The following NEUROD1 variants were observed in gnomAD, a reference collection of about 807,000 sequenced individuals.
NEUROD1 encodes neuronal differentiation 1.
NEUROD1 carries 9 observed loss-of-function variants against 21.8 expected under a neutral mutation model. The observed-to-expected ratio is 0.41, with a 90% CI of 0.25 to 0.72. NEUROD1 has a LOEUF of 0.72. Ranked by LOEUF, NEUROD1 falls within the 30% of genes least tolerant of loss-of-function variation. The probability of loss-of-function intolerance (pLI) is 0.31; values close to 1 mark genes in which losing one functional copy is unlikely to be tolerated. For synonymous variants in NEUROD1, 199 were observed against 186.2 expected (o/e 1.07, Z -0.56); for missense variants, 434 against 468.8 (o/e 0.93, Z 0.69).
downstream of NEUROD1, among the ~76,000 whole-genome samples, chr2:181,670,058 G>A (rs182326791): frequency 3.3e-5 from 5 of 152,270 alleles, no homozygotes; most frequent in Non-Finnish European, 7.4e-5. Flanking sequence ...ATATGAACTT[G>A]TGTGTTAAAT....
downstream of NEUROD1, among the ~76,000 whole-genome samples, chr2:181,676,038 G>A (rs1312841984): frequency 6.6e-6 from 1 of 152,056 alleles, no homozygotes; most frequent in Non-Finnish European, 1.5e-5. Context: ...AAATAGTAAT[G>A]TTTTATACAT....
At chr2:181,676,157 C>A (rs1182614871), downstream of NEUROD1, among the ~76,000 whole-genome samples, 2 of 152,046 alleles carry the variant, frequency 1.3e-5, no homozygotes, top group African/African-American at 4.8e-5. Flanking sequence ...ATGTAACAAT[C>A]ATTTTTAAAA....
chr2:181,668,566 A>G (rs944942484), downstream of NEUROD1, among the ~76,000 whole-genome samples: 1 of 152,132 alleles, frequency 6.6e-6, no homozygotes, highest in African/African-American at 2.4e-5. Context: ...TATTTTTTCT[A>G]TCTTCCAACT....
rs1688643951 is a variant in NEUROD1 at position 181,678,814 on chromosome 2, G to C, written c.47C>G (p.Pro16Arg). 2 of 1,614,058 alleles carry C rather than the reference G, an allele frequency of 1.2e-6. No homozygotes were observed. Among genetic ancestry groups the C allele is most frequent in the African/African-American group, 1.3e-5 (1 of 75,008 alleles). Residue 16 changes from proline to arginine, a missense_variant, in exon 2 of 2, where the codon CCC becomes CGC. Transcript: ENST00000295108. This position sits in a 1 kb window ranked among gnomAD's most constrained non-coding sequence, Gnocchi z 5.5. ...SESGLMGEPQ[P>R]QGPPSWTDEC... ...GTCTGTCCAGCTTGGAGGACCTTGG[G>C]GCTGAGGCTCGCCCATCAGCCCACT...
Position 181,677,053 on chromosome 2 carries a change from GT to G in NEUROD1, c.*736del. The G allele has an allele frequency of 7.2e-6, 1 of 138,314 alleles. No homozygotes were observed. Among genetic ancestry groups the G allele is most frequent in the Non-Finnish European group, 1.6e-5 (1 of 64,468 alleles). The allele number at this position is 138,314 out of a possible 1,614,324, so 8.6% of individuals were successfully genotyped here. Reference sequence around the variant, plus strand: ...TCTTCTCTTGAAAATTATGATTCTGGTTTTTATTTTAGGGAGACGGAAAGAC... The same window carrying G: ...TCTTCTCTTGAAAATTATGATTCTGGTTTTATTTTAGGGAGACGGAAAGAC... On this transcript the variant is annotated 3_prime_UTR_variant, in exon 2 of 2. Coordinates refer to ENST00000295108, the MANE Select transcript of NEUROD1 (RefSeq NM_002500.5).
chr2:181,669,354 C>CT (rs1221018333), downstream of NEUROD1, among the ~76,000 whole-genome samples: 1 of 152,152 alleles, frequency 6.6e-6, no homozygotes, highest in Non-Finnish European at 1.5e-5. Context: ...TTTCTTCACT[C>CT]TGCTTTCTAC....
At position 181,678,517 on chromosome 2, in the gene NEUROD1, T is replaced by C; in HGVS notation, c.344A>G (p.His115Arg). 6.2e-7 allele frequency: 1 copy of C among 1,614,266 alleles called. No individual in the cohort carries two copies. Among genetic ancestry groups the C allele is most frequent in the South Asian group, 1.1e-5 (1 of 91,092 alleles). The change falls in exon 2 of 2, where the codon CAC (histidine) becomes CGC (arginine). Residue 115 changes from histidine to arginine, a missense_variant. Physicochemically the swap from His to Arg is conservative, Grantham distance 29 (BLOSUM62 0). Transcript: ENST00000295108. The surrounding 1 kb of genome is among the most constrained non-coding windows in gnomAD (Gnocchi z 5.5). ...GTTGTCTAGCGCCGCGTTCAGTCCG[T>C]GCATGCGGTTCCGCTCCCGGGCGTT... is the stretch of plus-strand genomic sequence containing the variant. ...KANARERNRMHGLNAALDNLR... is the reference protein window; with the variant it reads ...KANARERNRMRGLNAALDNLR...
chr2:181,672,305 G>T (rs577415409), downstream of NEUROD1, among the ~76,000 whole-genome samples: 3 of 152,118 alleles, frequency 2.0e-5, no homozygotes, highest in Non-Finnish European at 2.9e-5. Flanking sequence ...AACACTTGCT[G>T]GACTGAAAAT....
In NEUROD1 at chr2:181,678,428, A is replaced by G; in HGVS notation, c.433T>C (p.Leu145=). 6.2e-7 allele frequency: 1 copy of G among 1,614,234 alleles called. No homozygotes were observed. Among genetic ancestry groups the G allele is most frequent in the Non-Finnish European group, 8.5e-7 (1 of 1,180,040 alleles). The change falls in exon 2 of 2, where the codon TTG becomes CTG. Residue 145 remains leucine, a synonymous_variant. Coordinates refer to ENST00000295108, the MANE Select transcript of NEUROD1 (RefSeq NM_002500.5). This position sits in a 1 kb window ranked among gnomAD's most constrained non-coding sequence, Gnocchi z 5.5. The part of the protein sequence containing the change: ...QKLSKIETLR[L]AKNYIWALSE... The stretch of plus-strand genomic sequence containing the variant: ...AGAGCCCAGATGTAGTTCTTGGCCA[A>G]GCGCAGAGTCTCGATTTTGGACAGC...
At chr2:181,676,227 G>C (rs1346460548), downstream of NEUROD1, among the ~76,000 whole-genome samples, 1 of 152,148 alleles carries the variant, frequency 6.6e-6, no homozygotes, top group Non-Finnish European at 1.5e-5. Context: ...CACACTGTTT[G>C]TACTGCCGTC....
chr2:181,668,970 A>T (rs191390959), downstream of NEUROD1, among the ~76,000 whole-genome samples: 940 of 152,250 alleles, frequency 6.2e-3, 7 homozygotes, highest in African/African-American at 0.022. Context: ...TGGTAAGAAT[A>T]AACTTCTGCT....
chr2:181,670,522 A>G (rs896778927), exon 2 of NEUROD1, among the ~76,000 whole-genome samples: 8 of 152,196 alleles, frequency 5.3e-5, no homozygotes, highest in Non-Finnish European at 8.8e-5. Context: ...ATTTTAGTAT[A>G]CCTATCAGTT....
At chr2:181,675,822 A>T (rs182613796), downstream of NEUROD1, among the ~76,000 whole-genome samples, 1 of 152,296 alleles carries the variant, frequency 6.6e-6, no homozygotes, top group Non-Finnish European at 1.5e-5. Flanking sequence ...ATAATCCATT[A>T]TGCTTTTTCT....
At chr2:181,675,466 AG>A (rs1302649279), downstream of NEUROD1, among the ~76,000 whole-genome samples, 1 of 152,152 alleles carries the variant, frequency 6.6e-6, no homozygotes, top group Non-Finnish European at 1.5e-5. Context: ...AGGAGATTAA[AG>A]GAACAAGCTT....
chr2:181,674,593 A>T (rs1054822114), downstream of NEUROD1, among the ~76,000 whole-genome samples: 1 of 152,200 alleles, frequency 6.6e-6, no homozygotes, highest in Non-Finnish European at 1.5e-5. Flanking sequence ...GTTCTGTGGT[A>T]TTTCTCTGAT....
chr2:181,673,023 G>T (rs972774845), downstream of NEUROD1: 6 of 152,166 alleles, frequency 3.9e-5, no homozygotes, highest in African/African-American at 1.4e-4. Context: ...CTGTAGAGAT[G>T]GTTATTGTCA....
At position 181,678,047 on chromosome 2, in the gene NEUROD1, G is replaced by T. The variant is rs1365446719; in HGVS notation, c.814C>A (p.Pro272Thr). The T allele has an allele frequency of 2.5e-6, 4 of 1,614,210 alleles. No individual in the cohort carries two copies. Among genetic ancestry groups the T allele is most frequent in the South Asian group, 2.2e-5 (2 of 91,086 alleles). Reference protein sequence around the residue: ...TDCTSPSFDGPLSPPLSINGN... With the variant: ...TDCTSPSFDGTLSPPLSINGN... ...TTGATGCTGAGCGGCGGGCTGAGGG[G>T]TCCATCAAAGGAAGGGCTGGTGCAA... is the stretch of plus-strand genomic sequence containing the variant. The change falls in exon 2 of 2, where the codon CCC becomes ACC. Residue 272 changes from proline to threonine, a missense_variant. By Grantham distance (38) the Pro-to-Thr change is conservative. Coordinates refer to ENST00000295108, the MANE Select transcript of NEUROD1 (RefSeq NM_002500.5). The surrounding 1 kb of genome is among the most constrained non-coding windows in gnomAD (Gnocchi z 5.5).
In NEUROD1 at chr2:181,677,962, G is replaced by A. The variant is rs1473605501; in HGVS notation, c.899C>T (p.Thr300Ile). Reference sequence around the variant, plus strand: ...CAGTGTCGCTGCAGGATAGTGCATGGTAAAGGCATAATTTTTCTCAAACTC... The same window carrying A: ...CAGTGTCGCTGCAGGATAGTGCATGATAAAGGCATAATTTTTCTCAAACTC... ...SAEFEKNYAF[T>I]MHYPAATLAG... Residue 300 changes from threonine to isoleucine, a missense_variant, in exon 2 of 2, where the codon ACC becomes ATC. Thr to Ile is a moderately conservative substitution (Grantham distance 89). Coordinates refer to ENST00000295108, the MANE Select transcript of NEUROD1 (RefSeq NM_002500.5). The A allele has an allele frequency of 6.2e-7, 1 of 1,614,084 alleles. No homozygotes were observed. The highest frequency in any genetic ancestry group is 1.3e-5 in the African/African-American group (1 of 74,916).
exon 2 of NEUROD1, among the ~76,000 whole-genome samples, chr2:181,671,427 A>G (rs969543731): frequency 6.6e-6 from 1 of 152,040 alleles, no homozygotes; most frequent in Admixed American, 6.6e-5. Flanking sequence ...AAGTGATGTT[A>G]TCTCAAATCA....
Sources: gnomAD v4.1 joint callset for allele counts (sites outside exome capture counted in the v4.1 genomes callset) on GRCh38, gnomAD v4.1.1 for gene constraint, Gnocchi (gnomAD v3.1) non-coding constraint, MANE v1.5 for transcripts, NCBI Gene and HGNC (gene_info 2026-07-23, HGNC 2026-07-21) for gene names.